Variants in IGF2BP3 observed in about 807,000 individuals in gnomAD.
IGF2BP3 encodes insulin like growth factor 2 mRNA binding protein 3.
IGF2BP3 carries 9 observed loss-of-function variants against 73.8 expected under a neutral mutation model. The ratio of observed to expected loss-of-function variants is 0.12; its 90% CI spans 0.07 to 0.21. IGF2BP3 has a LOEUF of 0.21. Among genes scored for constraint, IGF2BP3 ranks in the 10% least tolerant of loss-of-function variants. IGF2BP3 has a pLI of 1.00. For missense variants in IGF2BP3, 542 were observed against 714.0 expected, an observed-to-expected ratio of 0.76 and a Z score of 2.75; for synonymous variants, 258 against 256.7, an observed-to-expected ratio of 1.01 and a Z score of -0.05.
At chr7:23,466,693 G>A (rs1788574154) in intron 2 of IGF2BP3, among the ~76,000 whole-genome samples, 1 of 152,160 alleles carries the variant, frequency 6.6e-6, no homozygotes, top group African/African-American at 2.4e-5. Context: ...GAATAAAACA[G>A]GCAGTTGTTA....
At chr7:23,355,225 AT>A (rs572013397) in intron 5 of IGF2BP3, among the ~76,000 whole-genome samples, 244 of 119,266 alleles carry the variant, frequency 2.0e-3, no homozygotes, top group East Asian at 2.9e-3. Context: ...TTTTATTTTT[AT>A]TTTTTTTTTT....
At chr7:23,361,461 G>C (rs1222658764) in intron 5 of IGF2BP3, 73 bp downstream of exon 5, 3 of 1,289,524 alleles carry the variant, frequency 2.3e-6, no homozygotes, top group Non-Finnish European at 3.3e-6. Flanking sequence ...CTTCTCAGTT[G>C]AGAAATCCGC....
chr7:23,351,737 T>C, intron 5 of IGF2BP3, 151 bp from the exon 6 acceptor site: 3 of 734,840 alleles, frequency 4.1e-6, no homozygotes, highest in Non-Finnish European at 6.6e-6. Flanking sequence ...GCAACACACA[T>C]AATCCTCCCC....
chr7:23,379,311 T>C (rs1336206437), intron 3 of IGF2BP3, among the ~76,000 whole-genome samples: 2 of 152,356 alleles, frequency 1.3e-5, no homozygotes, highest in Non-Finnish European at 2.9e-5. Flanking sequence ...ATCCCAGCCA[T>C]GTTCTCTTAT....
intron 3 of IGF2BP3, among the ~76,000 whole-genome samples, chr7:23,407,249 C>A (rs1329284391): frequency 4.1e-5 from 6 of 145,350 alleles, no homozygotes; most frequent in Non-Finnish European, 7.5e-5. Flanking sequence ...ACACTACAAA[C>A]GACCCAAGAT....
At chr7:23,352,615 A>G (rs1411261842) in intron 5 of IGF2BP3, among the ~76,000 whole-genome samples, 1 of 151,980 alleles carries the variant, frequency 6.6e-6, no homozygotes, top group Non-Finnish European at 1.5e-5. Context: ...CTTTATTTTA[A>G]CATGCAAGGA....
chr7:23,431,320 A>G (rs1029407700), intron 2 of IGF2BP3: 1 of 152,244 alleles, frequency 6.6e-6, no homozygotes, highest in African/African-American at 2.4e-5. Context: ...AGAGGAAAAC[A>G]ATTCTAGATT....
In IGF2BP3 at chr7:23,353,436, C is replaced by T. The variant is rs191629656; in HGVS notation, c.402-1850G>A. On this transcript the variant is annotated intron_variant, in intron 5 of 14. Transcript: ENST00000258729. ...CTTCAGTCTTCTATCACTGTCCTAC[C>T]TTCTCTGGCACATGAATGAACTCTT... 1.6e-3 allele frequency among the ~76,000 whole-genome samples: 244 copies of T among 152,248 alleles called. 1 individual carries two copies. Among genetic ancestry groups the T allele is most frequent in the African/African-American group, 5.6e-3 (233 of 41,534 alleles).
At chr7:23,351,746 C>T (rs554086940) in intron 5 of IGF2BP3, among the ~76,000 whole-genome samples, 160 bp from the exon 6 acceptor site, 11 of 151,956 alleles carry the variant, frequency 7.2e-5, no homozygotes, top group South Asian at 2.1e-4. Context: ...ATAATCCTCC[C>T]CTCTCCCACC....
intron 10 of IGF2BP3, among the ~76,000 whole-genome samples, chr7:23,338,049 C>A (rs1784616687): frequency 6.6e-6 from 1 of 151,912 alleles, no homozygotes; most frequent in Admixed American, 6.6e-5. Context: ...CAATACATAC[C>A]CAAACCTAAT....
intron 3 of IGF2BP3, chr7:23,413,160 C>T (rs1273715144): frequency 6.6e-6 from 1 of 151,512 alleles, no homozygotes; most frequent in Admixed American, 6.6e-5. Context: ...GCAACTGGCC[C>T]CACTTACTGT....
intron 3 of IGF2BP3, among the ~76,000 whole-genome samples, chr7:23,376,313 T>C (rs1785716148): frequency 6.6e-6 from 1 of 151,720 alleles, no homozygotes; most frequent in South Asian, 2.1e-4. Flanking sequence ...TCCCAGCACT[T>C]TGAGAGGCCA....
At chr7:23,385,678 C>A (rs1386396390) in intron 3 of IGF2BP3, among the ~76,000 whole-genome samples, 1 of 151,974 alleles carries the variant, frequency 6.6e-6, no homozygotes, top group Admixed American at 6.6e-5. Context: ...CGACTAACTG[C>A]AAAATATAAA....
At chr7:23,415,389 A>C (rs1239523834) in intron 3 of IGF2BP3, 1 of 161,702 alleles carries the variant, frequency 6.2e-6, no homozygotes, top group Non-Finnish European at 1.2e-5. Context: ...GTCCCCCTCC[A>C]TCAGTCGGCA....
intron 2 of IGF2BP3, among the ~76,000 whole-genome samples, chr7:23,446,431 C>T (rs917990832): frequency 3.3e-5 from 5 of 151,930 alleles, no homozygotes; most frequent in African/African-American, 1.2e-4. Flanking sequence ...GGCATGGTGG[C>T]GGGCACCTGA....
At chr7:23,437,574 T>G (rs2128543936) in intron 2 of IGF2BP3, among the ~76,000 whole-genome samples, 1 of 152,240 alleles carries the variant, frequency 6.6e-6, no homozygotes, top group Admixed American at 6.5e-5. Context: ...ATTAAGACAA[T>G]TCTGCACAAT....
intron 5 of IGF2BP3, among the ~76,000 whole-genome samples, chr7:23,355,120 G>A (rs988131468): frequency 6.6e-6 from 1 of 152,058 alleles, no homozygotes; most frequent in African/African-American, 2.4e-5. Flanking sequence ...TGAGATGAAC[G>A]ACTGTCATAA....
intron 2 of IGF2BP3, among the ~76,000 whole-genome samples, chr7:23,421,011 T>C (rs1787328913): frequency 6.6e-6 from 1 of 152,164 alleles, no homozygotes; most frequent in East Asian, 1.9e-4. Flanking sequence ...ATATTTTCTT[T>C]TTCTTTTGTG....
chr7:23,381,597 C>T (rs1785911457), intron 3 of IGF2BP3, among the ~76,000 whole-genome samples: 1 of 151,790 alleles, frequency 6.6e-6, no homozygotes, highest in Admixed American at 6.6e-5. Flanking sequence ...TAGATGGAGT[C>T]TCACTGTGTC....
Sources: allele counts gnomAD v4.1 joint callset (sites outside exome capture counted in the v4.1 genomes callset), GRCh38; gene constraint gnomAD v4.1.1; transcripts MANE v1.5; gene names NCBI Gene and HGNC (gene_info 2026-07-23, HGNC 2026-07-21).